PDE8A: variants seen among roughly 807,000 people sequenced by gnomAD.
PDE8A encodes the protein high affinity cAMP-specific and IBMX-insensitive 3',5'-cyclic phosphodiesterase 8A.
In PDE8A, 59 loss-of-function variants were observed where a neutral mutation model predicts 105.0. That is an observed-to-expected ratio of 0.56 (90% CI 0.46 to 0.70). The LOEUF (loss-of-function observed/expected upper bound fraction) is 0.70. PDE8A is among the 30% of genes least tolerant of loss of function. The pLI is 0.00. For missense variants in PDE8A, 1,014 were observed against 1,045.9 expected, an observed-to-expected ratio of 0.97 and a Z score of 0.42; for synonymous variants, 355 against 371.9, an observed-to-expected ratio of 0.95 and a Z score of 0.52.
At chr15:85,080,571 T>C (rs1427129543) in intron 5 of PDE8A, among the ~76,000 whole-genome samples, 1 of 152,216 alleles carries the variant, frequency 6.6e-6, no homozygotes, top group Non-Finnish European at 1.5e-5. Context: ...TTGAGGTCTC[T>C]TTGAAAGTAC....
At chr15:85,096,375 C>G (rs2081753332) in intron 8 of PDE8A, among the ~76,000 whole-genome samples, 1 of 152,100 alleles carries the variant, frequency 6.6e-6, no homozygotes, top group South Asian at 2.1e-4. Context: ...AGGAGGATCA[C>G]TTGAGCCTGG....
chr15:85,115,976 C>A lies in PDE8A; in HGVS notation c.1400-8C>A. The A allele has an allele frequency of 6.2e-7, 1 of 1,606,700 alleles. No individual in the cohort carries two copies. Among genetic ancestry groups the A allele is most frequent in the Non-Finnish European group, 8.5e-7 (1 of 1,173,702 alleles). The stretch of plus-strand genomic sequence containing the variant: ...CCTATTTGTTCTCCAAATTACATCA[C>A]TTTACAGACACTCAAATGGTTTCAA... On this transcript the variant is annotated splice_region_variant and splice_polypyrimidine_tract_variant and intron_variant, in intron 15 of 21. Coordinates refer to ENST00000394553, the MANE Select transcript of PDE8A (RefSeq NM_002605.3).
intron 1 of PDE8A, among the ~76,000 whole-genome samples, chr15:85,055,092 G>GA (rs1555471170): frequency 6.6e-6 from 1 of 151,870 alleles, no homozygotes; most frequent in Non-Finnish European, 1.5e-5. Context: ...TCGGGAGCAG[G>GA]TTGTTTAGTT....
intron 1 of PDE8A, among the ~76,000 whole-genome samples, chr15:85,054,725 C>T (rs1045907348): frequency 2.6e-5 from 4 of 152,124 alleles, no homozygotes; most frequent in Admixed American, 1.3e-4. Context: ...GTCTTGCTAG[C>T]GGTCTGTCGA....
At chr15:85,019,934 T>G (rs1164535613) in intron 1 of PDE8A, among the ~76,000 whole-genome samples, 16 of 138,264 alleles carry the variant, frequency 1.2e-4, no homozygotes, top group Non-Finnish European at 2.4e-4. Flanking sequence ...TTGGGGGAGT[T>G]TTTTTTTGGT....
At position 85,100,080 on chromosome 15, in the gene PDE8A, G is replaced by A; in HGVS notation, c.993+14G>A. ...GGCAACAATAAGGTACGTAAGGAGA[G>A]CCCCCCGGGGCCCCAGGAACACCCC... On this transcript the variant is annotated intron_variant, in intron 10 of 21. Transcript: ENST00000394553. 1 of 1,613,056 alleles carries A rather than the reference G, an allele frequency of 6.2e-7. No homozygotes were observed. The highest frequency in any genetic ancestry group is 2.2e-5 in the East Asian group (1 of 44,874).
chr15:85,041,930 C>T (rs573471250), intron 1 of PDE8A, among the ~76,000 whole-genome samples: 1 of 152,254 alleles, frequency 6.6e-6, no homozygotes, highest in Non-Finnish European at 1.5e-5. Context: ...CCTCTCGTTC[C>T]AGTAGTTTCT....
At chr15:85,041,726 T>G (rs1270561918) in intron 1 of PDE8A, among the ~76,000 whole-genome samples, 1 of 152,014 alleles carries the variant, frequency 6.6e-6, no homozygotes, top group East Asian at 1.9e-4. Flanking sequence ...TTACAAGAGG[T>G]TTAGGTTTCC....
intron 1 of PDE8A, among the ~76,000 whole-genome samples, chr15:84,996,823 CAAAAAAAAA>C (rs34363361): frequency 9.3e-5 from 5 of 53,824 alleles, no homozygotes; most frequent in South Asian, 3.1e-3. Context: ...AAGACTCTCT[CAAAAAAAAA>C]AAAAAAAAAA....
intron 20 of PDE8A, among the ~76,000 whole-genome samples, chr15:85,127,039 A>C (rs957682924): frequency 1.8e-4 from 28 of 152,118 alleles, no homozygotes; most frequent in African/African-American, 6.8e-4. Context: ...CTACAAAAAA[A>C]TTAAAAGTTA....
In PDE8A at chr15:85,135,865, T is replaced by C. The variant is rs115170015; in HGVS notation, c.2254-669T>C. ...AGTACATAAATACTCAGAGCTCTTTTTTTTTTTAAACATCCAGGATCTCAA... is the reference window on the plus strand; with the variant it reads ...AGTACATAAATACTCAGAGCTCTTTCTTTTTTTAAACATCCAGGATCTCAA... On this transcript the variant is annotated intron_variant, in intron 20 of 21. Coordinates refer to ENST00000394553, the MANE Select transcript of PDE8A (RefSeq NM_002605.3). Among the ~76,000 whole-genome samples the C allele has an allele frequency of 1.7e-3, 266 of 152,338 alleles. 1 individual carries two copies. The highest frequency in any genetic ancestry group is 6.1e-3 in the African/African-American group (255 of 41,572).
chr15:85,081,858 G>C (rs1294183057), intron 5 of PDE8A, among the ~76,000 whole-genome samples: 5 of 152,092 alleles, frequency 3.3e-5, no homozygotes, highest in African/African-American at 1.2e-4. Flanking sequence ...AAAAAGTTTG[G>C]TGGATACATA....
At chr15:84,991,021 T>G (rs1260935437) in intron 1 of PDE8A, among the ~76,000 whole-genome samples, 1 of 152,234 alleles carries the variant, frequency 6.6e-6, no homozygotes, top group Admixed American at 6.5e-5. Flanking sequence ...TGTTGTTCAT[T>G]TACTGTATTG....
chr15:85,111,582 C>A (rs1263829742), intron 12 of PDE8A, among the ~76,000 whole-genome samples: 1 of 152,326 alleles, frequency 6.6e-6, no homozygotes, highest in South Asian at 2.1e-4. Flanking sequence ...ACCAATATCA[C>A]AATCAGTTAC....
At chr15:85,040,175 G>A (rs895591340) in intron 1 of PDE8A, among the ~76,000 whole-genome samples, 2 of 152,018 alleles carry the variant, frequency 1.3e-5, no homozygotes, top group African/African-American at 2.4e-5. Flanking sequence ...GAGTGTGATG[G>A]TGTGCGCCTA....
At chr15:85,079,146 A>G (rs921887833) in intron 5 of PDE8A, among the ~76,000 whole-genome samples, 5 of 152,220 alleles carry the variant, frequency 3.3e-5, no homozygotes, top group Admixed American at 2.6e-4. Context: ...TATGTATAAG[A>G]TTAGTCCCAA....
At chr15:85,106,596 A>G (rs2081950890) in intron 11 of PDE8A, among the ~76,000 whole-genome samples, 1 of 152,170 alleles carries the variant, frequency 6.6e-6, no homozygotes, top group Non-Finnish European at 1.5e-5. Context: ...TTCCAGCTCC[A>G]TGTGGTTGAG....
rs1409582522 is a variant in PDE8A at position 85,009,104 on chromosome 15, AGAGAGAGTGTGTGT to A, written c.186+26758_186+26771del. Among the ~76,000 whole-genome samples, 969 of 142,460 alleles carry A rather than the reference AGAGAGAGTGTGTGT, an allele frequency of 6.8e-3. 8 individuals are homozygous for A. The highest frequency in any genetic ancestry group is 0.024 in the South Asian group (106 of 4,500). 93.5% of individuals were successfully genotyped at this position (142,460 alleles called of 152,430 possible). A position where few individuals can be genotyped will look rare whatever the true frequency, so the allele number is the denominator to read the frequency against. ...GTGTTAGTGTGTGAGAGAGAGAGAG[AGAGAGAGTGTGTGT>A]GTGTGTGTGTGTGTGTGTGTGTGTG... On this transcript the variant is annotated intron_variant, in intron 1 of 21. Transcript: ENST00000394553.
chr15:85,119,677 A>G (rs2082151589), intron 17 of PDE8A, among the ~76,000 whole-genome samples: 1 of 152,064 alleles, frequency 6.6e-6, no homozygotes, highest in Non-Finnish European at 1.5e-5. Flanking sequence ...TTCATAGGCT[A>G]TATTTTCTAA....
Sources: gnomAD v4.1 joint callset for allele counts (sites outside exome capture counted in the v4.1 genomes callset) on GRCh38, gnomAD v4.1.1 for gene constraint, MANE v1.5 for transcripts, NCBI Gene and HGNC (gene_info 2026-07-23, HGNC 2026-07-21) for gene names.